Variants in DYNC2I1 observed in about 807,000 individuals in gnomAD.
DYNC2I1 encodes cytoplasmic dynein 2 intermediate chain 1.
A neutral mutation model predicts 133.4 loss-of-function variants in DYNC2I1; 89 were observed. That is an observed-to-expected ratio of 0.67 (90% CI 0.56 to 0.80). DYNC2I1 has a LOEUF of 0.80. Ranked by LOEUF, DYNC2I1 falls within the 30% of genes least tolerant of loss-of-function variation. DYNC2I1 has a pLI of 0.00. For synonymous variants in DYNC2I1, 504 were observed against 484.3 expected, an observed-to-expected ratio of 1.04 and a Z score of -0.54; for missense variants, 1,291 against 1,314.5, an observed-to-expected ratio of 0.98 and a Z score of 0.28.
chr7:158,911,499 C>G (rs912555636), intron 11 of DYNC2I1, 51 bp from the exon 12 acceptor site: 1 of 1,590,316 alleles, frequency 6.3e-7, no homozygotes, highest in African/African-American at 1.3e-5. Context: ...TACACTTCCC[C>G]ACGTATATTA....
chr7:158,908,191 A>G (rs377451666), intron 11 of DYNC2I1, among the ~76,000 whole-genome samples: 46 of 152,280 alleles, frequency 3.0e-4, no homozygotes, highest in African/African-American at 1.1e-3. Context: ...TTTTACTACT[A>G]GATATACATT....
intron 23 of DYNC2I1, among the ~76,000 whole-genome samples, chr7:158,940,722 C>T (rs1338741029): frequency 2.6e-5 from 4 of 152,090 alleles, no homozygotes. Flanking sequence ...AAACATCTTC[C>T]TGAATGTCCA....
chr7:158,938,036 G>A (rs1251942330), intron 23 of DYNC2I1, among the ~76,000 whole-genome samples: 2 of 152,106 alleles, frequency 1.3e-5, no homozygotes, highest in Admixed American at 1.3e-4. Context: ...AGCTAACAAG[G>A]GTTAGAAAAT....
chr7:158,867,783 G>T (rs1217565460), intron 1 of DYNC2I1, among the ~76,000 whole-genome samples: 3 of 152,126 alleles, frequency 2.0e-5, no homozygotes, highest in Admixed American at 2.0e-4. Context: ...TTGTGCTATG[G>T]CGTCTCCCAG....
At chr7:158,862,883 G>A (rs534866746) in intron 1 of DYNC2I1, among the ~76,000 whole-genome samples, 1 of 152,114 alleles carries the variant, frequency 6.6e-6, no homozygotes, top group East Asian at 1.9e-4. Context: ...ACAGACCTTC[G>A]CAGTGAGCGT....
chr7:158,899,416 A>C (rs995365034), intron 8 of DYNC2I1, among the ~76,000 whole-genome samples: 2 of 152,204 alleles, frequency 1.3e-5, no homozygotes, highest in African/African-American at 4.8e-5. Flanking sequence ...ACAAACTGTT[A>C]TCTGTTAGAT....
chr7:158,898,615 A>G (rs1375995522), intron 8 of DYNC2I1, among the ~76,000 whole-genome samples: 1 of 152,218 alleles, frequency 6.6e-6, no homozygotes, highest in Non-Finnish European at 1.5e-5. Flanking sequence ...CCTGAAGACA[A>G]TAAGTAGATG....
At chr7:158,856,805 G>C in intron 1 of DYNC2I1, 55 bp downstream of exon 1, 5 of 1,230,796 alleles carry the variant, frequency 4.1e-6, no homozygotes, top group Non-Finnish European at 5.1e-6. Context: ...GGACTCCTTC[G>C]GGCGCCGCTA....
chr7:158,948,207 G>A (rs1363850021), downstream of DYNC2I1, among the ~76,000 whole-genome samples: 2 of 152,332 alleles, frequency 1.3e-5, no homozygotes, highest in South Asian at 4.1e-4. Context: ...CAAGAGGTGG[G>A]CCGACAGTGC....
chr7:158,886,770 A>C (rs1232671584), intron 6 of DYNC2I1, among the ~76,000 whole-genome samples: 5 of 151,712 alleles, frequency 3.3e-5, no homozygotes, highest in Non-Finnish European at 7.4e-5. Flanking sequence ...TGCCAGGCTA[A>C]TTTTTTATTT....
At chr7:158,856,293 C>T (rs765312748), upstream of DYNC2I1, among the ~76,000 whole-genome samples, 32 of 152,176 alleles carry the variant, frequency 2.1e-4, no homozygotes, top group Non-Finnish European at 4.4e-4. Flanking sequence ...TCTATCTTCC[C>T]CGACTGTCAG....
chr7:158,900,720 T>TA (rs1352613918), intron 8 of DYNC2I1, among the ~76,000 whole-genome samples: 1 of 147,778 alleles, frequency 6.8e-6, no homozygotes, highest in African/African-American at 2.5e-5. Context: ...AGTTCTTGGA[T>TA]ATTTTGTTCT....
chr7:158,851,101 T>C, the DYNC2I1 span, among the ~76,000 whole-genome samples: 1 of 152,140 alleles, frequency 6.6e-6, no homozygotes, highest in Non-Finnish European at 1.5e-5. Flanking sequence ...CAAATTTACC[T>C]TTCTGAGTTT....
chr7:158,849,615 T>C, the DYNC2I1 span, among the ~76,000 whole-genome samples: 1 of 152,204 alleles, frequency 6.6e-6, no homozygotes, highest in Non-Finnish European at 1.5e-5. Flanking sequence ...TCTTTAGTTC[T>C]CACAGCGAGG....
At chr7:158,885,211 T>TG (rs1205995454) in intron 6 of DYNC2I1, among the ~76,000 whole-genome samples, 1 of 151,774 alleles carries the variant, frequency 6.6e-6, no homozygotes, top group Non-Finnish European at 1.5e-5. Context: ...GAGCTGGGGG[T>TG]GGGGGTCAGC....
At chr7:158,871,710 C>G in intron 3 of DYNC2I1, 148 bp downstream of exon 3, 5 of 997,526 alleles carry the variant, frequency 5.0e-6, no homozygotes, top group Non-Finnish European at 7.1e-6. Flanking sequence ...CTTGCTCTGC[C>G]CCCAGGCTAG....
rs1851860874 is a variant in DYNC2I1 at position 158,946,153 on chromosome 7, A to AC, written c.*375dup. On this transcript the variant is annotated 3_prime_UTR_variant, in exon 25 of 25. Coordinates refer to ENST00000407559, the MANE Select transcript of DYNC2I1 (RefSeq NM_018051.5). ...ATTTTCTTATGCATAAAGTATGTGA[A>AC]CACATGTCTAAATTAAAAGGAATTA... The AC allele has an allele frequency of 6.1e-6, 1 of 163,524 alleles. No individual in the cohort carries two copies. The highest frequency in any genetic ancestry group is 2.4e-5 in the African/African-American group (1 of 41,894). 10.1% of individuals were successfully genotyped at this position (163,524 alleles called of 1,614,324 possible).
chr7:158,929,200 G>GT (rs1294295263), intron 20 of DYNC2I1, among the ~76,000 whole-genome samples: 1 of 152,236 alleles, frequency 6.6e-6, no homozygotes, highest in Non-Finnish European at 1.5e-5. Context: ...CCAGCTCTTT[G>GT]TGTAGGCATT....
At chr7:158,854,866 T>G (rs1841137277), upstream of DYNC2I1, among the ~76,000 whole-genome samples, 1 of 152,230 alleles carries the variant, frequency 6.6e-6, no homozygotes, top group South Asian at 2.1e-4. Context: ...GGCGTGTCTT[T>G]GTTTAAGTGA....
Sources: gnomAD v4.1 joint callset for allele counts (sites outside exome capture counted in the v4.1 genomes callset) on GRCh38, gnomAD v4.1.1 for gene constraint, MANE v1.5 for transcripts, NCBI Gene and HGNC (gene_info 2026-07-23, HGNC 2026-07-21) for gene names.